The following LEPR variants were observed in gnomAD, a reference collection of about 807,000 sequenced individuals.
LEPR encodes leptin receptor.
LEPR carries 56 observed loss-of-function variants against 114.7 expected under a neutral mutation model. The ratio of observed to expected loss-of-function variants is 0.49; its 90% CI spans 0.39 to 0.61. LEPR has a LOEUF of 0.61. Among genes scored for constraint, LEPR ranks in the 20% least tolerant of loss-of-function variants. The pLI is 0.00. For synonymous variants in LEPR, 443 were observed against 461.4 expected, an observed-to-expected ratio of 0.96 and a Z score of 0.51; for missense variants, 1,202 against 1,352.9, an observed-to-expected ratio of 0.89 and a Z score of 1.75.
intron 2 of LEPR, among the ~76,000 whole-genome samples, chr1:65,558,094 C>A (rs1335563694): frequency 6.6e-6 from 1 of 152,124 alleles, no homozygotes; most frequent in Non-Finnish European, 1.5e-5. Context: ...CAAAGCAATC[C>A]AGTGATATGT....
intron 2 of LEPR, chr1:65,494,247 CA>C (rs1176954795): frequency 6.6e-6 from 1 of 152,096 alleles, no homozygotes; most frequent in East Asian, 1.9e-4. Context: ...CATAAAATTG[CA>C]CATGGCAAAT....
Position 65,633,854 on chromosome 1 carries a change from C to T in LEPR, c.2674-2337C>T, listed in dbSNP as rs1412473547. ...CCCGAAGTTGTGTTTGTGCTGCCCA[C>T]AGGACAGTGGGAGTTACAGTTCATA... On this transcript the variant is annotated intron_variant, in intron 19 of 19. Transcript: ENST00000349533. The surrounding 1 kb of genome is among the most constrained non-coding windows in gnomAD (Gnocchi z 4.1). The T allele has an allele frequency of 1.0e-6, 1 of 985,532 alleles. No homozygotes were observed. Among genetic ancestry groups the T allele is most frequent in the Non-Finnish European group, 1.2e-6 (1 of 830,058 alleles). 61.0% of individuals were successfully genotyped at this position (985,532 alleles called of 1,614,324 possible).
chr1:65,635,820 A>G (rs951394050), intron 19 of LEPR, among the ~76,000 whole-genome samples: 3 of 152,180 alleles, frequency 2.0e-5, no homozygotes, highest in Non-Finnish European at 4.4e-5. Flanking sequence ...AGCATTTTCC[A>G]ATGACAGTAA....
At chr1:65,424,011 A>G (rs1412743502) in intron 1 of LEPR, among the ~76,000 whole-genome samples, 1 of 152,202 alleles carries the variant, frequency 6.6e-6, no homozygotes, top group East Asian at 1.9e-4. Context: ...TTTCCATTTT[A>G]CAGGTGAGAA....
At chr1:65,438,113 C>T (rs369259920) in intron 2 of LEPR, among the ~76,000 whole-genome samples, 23 of 87,742 alleles carry the variant, frequency 2.6e-4, no homozygotes, top group East Asian at 6.0e-4. Context: ...TCCTAGCCGC[C>T]TTTTTTTTTT....
intron 2 of LEPR, among the ~76,000 whole-genome samples, chr1:65,495,049 A>C (rs1346787277): frequency 6.6e-6 from 1 of 152,146 alleles, no homozygotes; most frequent in Non-Finnish European, 1.5e-5. Flanking sequence ...AAAAGCAAAA[A>C]CAGACAAATT....
chr1:65,551,030 G>GT (rs1414241132), intron 2 of LEPR, among the ~76,000 whole-genome samples: 1 of 152,056 alleles, frequency 6.6e-6, no homozygotes, highest in Non-Finnish European at 1.5e-5. Flanking sequence ...ATTGATTTGT[G>GT]TATGTTGAAG....
At chr1:65,598,919 A>T in intron 8 of LEPR, 115 bp downstream of exon 8, 1 of 1,478,412 alleles carries the variant, frequency 6.8e-7, no homozygotes, top group South Asian at 1.2e-5. Context: ...GGAACACAGT[A>T]TCAACTTCCT....
At chr1:65,423,375 A>G (rs1466687747) in intron 1 of LEPR, among the ~76,000 whole-genome samples, 1 of 151,912 alleles carries the variant, frequency 6.6e-6, no homozygotes, top group Non-Finnish European at 1.5e-5. Context: ...AAAAAAGAGG[A>G]AAAAAAAGAC....
At chr1:65,563,343 C>A (rs1447384944) in intron 2 of LEPR, among the ~76,000 whole-genome samples, 43 of 81,346 alleles carry the variant, frequency 5.3e-4, no homozygotes, top group African/African-American at 2.0e-3. Context: ...CAGTTGATCG[C>A]ATCGGCTCCT....
chr1:65,518,855 TTTTC>T (rs796456090), intron 2 of LEPR, among the ~76,000 whole-genome samples: 33 of 144,544 alleles, frequency 2.3e-4, no homozygotes, highest in East Asian at 6.0e-4. Flanking sequence ...TCTTTTTCTC[TTTTC>T]TTTCTTTCTT....
intron 2 of LEPR, chr1:65,525,807 C>G (rs1570610270): frequency 1.0e-6 from 1 of 985,892 alleles, no homozygotes; most frequent in Non-Finnish European, 1.2e-6. Flanking sequence ...CGAGTTGGAC[C>G]CCCGGATCAA....
In LEPR at chr1:65,572,290, G is replaced by GTTTTTTTTTTTT. The variant is rs747467075; in HGVS notation, c.371-20_371-9dup. 12 of 799,874 alleles carry GTTTTTTTTTTTT rather than the reference G, an allele frequency of 1.5e-5. No homozygotes were observed. Among genetic ancestry groups the GTTTTTTTTTTTT allele is most frequent in the Non-Finnish European group, 1.4e-5 (9 of 623,942 alleles). The allele number at this position is 799,874 out of a possible 1,614,324, so 49.5% of individuals were successfully genotyped here. A position where few individuals can be genotyped will look rare whatever the true frequency, so the allele number is the denominator to read the frequency against. On this transcript the variant is annotated intron_variant, in intron 4 of 19. Transcript: ENST00000349533. ...ATGGTTTTTGAGATTTCATGTAGTT[G>GTTTTTTTTTTTT]TTTTTTTTTTTTTTTTTTTTTTTTT...
intron 3 of LEPR, among the ~76,000 whole-genome samples, chr1:65,567,617 T>C (rs141884727): frequency 1.1e-4 from 17 of 152,348 alleles, no homozygotes; most frequent in Non-Finnish European, 1.9e-4. Flanking sequence ...TCTATAGAAA[T>C]CTTTAGAAAC....
At chr1:65,445,245 A>G (rs1274758100) in intron 2 of LEPR, among the ~76,000 whole-genome samples, 2 of 152,238 alleles carry the variant, frequency 1.3e-5, no homozygotes, top group Admixed American at 6.5e-5. Context: ...AGCTGCACAG[A>G]TTGTAAATGC....
chr1:65,464,556 G>A (rs1009475590), intron 2 of LEPR, among the ~76,000 whole-genome samples: 1 of 152,150 alleles, frequency 6.6e-6, no homozygotes, highest in Non-Finnish European at 1.5e-5. Context: ...AGTTAGGGAG[G>A]ATATCCTCTT....
At chr1:65,606,707 T>G (rs1289174656) in intron 11 of LEPR, among the ~76,000 whole-genome samples, 3 of 152,142 alleles carry the variant, frequency 2.0e-5, no homozygotes, top group Admixed American at 6.5e-5. Context: ...CAAACACAGA[T>G]TTAACCTCTT....
At chr1:65,548,634 G>T (rs544003601) in intron 2 of LEPR, among the ~76,000 whole-genome samples, 38 of 151,998 alleles carry the variant, frequency 2.5e-4, no homozygotes, top group African/African-American at 5.8e-4. Flanking sequence ...TTGCAACCCC[G>T]GTCTTTTTTT....
chr1:65,420,795 C>G (rs1476611629), intron 1 of LEPR, 55 bp downstream of exon 1: 13 of 1,555,798 alleles, frequency 8.4e-6, no homozygotes, highest in Non-Finnish European at 1.1e-5. Context: ...ACCTCCGTTC[C>G]GGTCAAGCCT....
Sources: gnomAD v4.1 joint callset for allele counts (sites outside exome capture counted in the v4.1 genomes callset) on GRCh38, gnomAD v4.1.1 for gene constraint, Gnocchi (gnomAD v3.1) non-coding constraint, MANE v1.5 for transcripts, NCBI Gene and HGNC (gene_info 2026-07-23, HGNC 2026-07-21) for gene names.